Variants in SAP30BP observed in about 807,000 individuals in gnomAD.
SAP30BP encodes SAP30-binding protein.
Under a neutral mutation model 46.3 loss-of-function variants are expected in SAP30BP, and 31 were observed. The observed-to-expected ratio is 0.67, with a 90% CI of 0.50 to 0.90. The LOEUF (loss-of-function observed/expected upper bound fraction) is 0.90. Ranked by LOEUF, SAP30BP falls within the 40% of genes least tolerant of loss-of-function variation. SAP30BP has a pLI of 0.00. For synonymous variants in SAP30BP, 169 were observed against 144.2 expected (o/e 1.17, Z -1.23); for missense variants, 312 against 391.0 (o/e 0.80, Z 1.70).
chr17:75,673,890 G>T (rs781493612), intron 3 of SAP30BP, among the ~76,000 whole-genome samples: 1 of 152,120 alleles, frequency 6.6e-6, no homozygotes, highest in African/African-American at 2.4e-5. Context: ...GATGTGCTTC[G>T]CTGTTCCTCA....
rs970718510 is a variant in SAP30BP at position 75,707,909 on chromosome 17, T to C, written c.*1388T>C. On this transcript the variant is annotated 3_prime_UTR_variant, in exon 11 of 11. Coordinates refer to ENST00000584667, the MANE Select transcript of SAP30BP (RefSeq NM_013260.8). Reference sequence around the variant, plus strand: ...GTGGAGCCGGCACCTCTGGTCTGGATTCCACTTAAAACCAGTTGAGTGGTC... The same window carrying C: ...GTGGAGCCGGCACCTCTGGTCTGGACTCCACTTAAAACCAGTTGAGTGGTC... 1.3e-5 allele frequency: 2 copies of C among 152,218 alleles called. No homozygotes were observed. Among genetic ancestry groups the C allele is most frequent in the African/African-American group, 4.8e-5 (2 of 41,442 alleles). The allele number at this position is 152,218 out of a possible 1,614,324, so 9.4% of individuals were successfully genotyped here. A position where few individuals can be genotyped will look rare whatever the true frequency, so the allele number is the denominator to read the frequency against.
chr17:75,673,954 A>T (rs1405525762), intron 3 of SAP30BP, among the ~76,000 whole-genome samples: 1 of 152,232 alleles, frequency 6.6e-6, no homozygotes, highest in African/African-American at 2.4e-5. Context: ...TTCATGGAAT[A>T]ATTTCTGTTC....
intron 3 of SAP30BP, among the ~76,000 whole-genome samples, chr17:75,676,187 A>G (rs2059987859): frequency 6.6e-6 from 1 of 152,170 alleles, no homozygotes; most frequent in South Asian, 2.1e-4. Context: ...TTACCAGTGA[A>G]CTCTGCATTC....
chr17:75,688,324 G>A (rs2060192235), intron 3 of SAP30BP, among the ~76,000 whole-genome samples: 1 of 152,224 alleles, frequency 6.6e-6, no homozygotes, highest in Admixed American at 6.5e-5. Context: ...CCAGGTCTGA[G>A]AGAATAAAGG....
intron 3 of SAP30BP, among the ~76,000 whole-genome samples, chr17:75,682,697 C>T (rs1451219060): frequency 3.3e-5 from 5 of 151,986 alleles, no homozygotes; most frequent in African/African-American, 7.2e-5. Context: ...GGCGCAGTGG[C>T]TCATGCCTGT....
chr17:75,687,414 A>C (rs575302921), intron 3 of SAP30BP, among the ~76,000 whole-genome samples: 12 of 152,164 alleles, frequency 7.9e-5, no homozygotes, highest in African/African-American at 2.7e-4. Flanking sequence ...CTACGAGTTC[A>C]AGAGCAGCCT....
chr17:75,703,947 T>C, intron 8 of SAP30BP, 88 bp downstream of exon 8: 2 of 976,314 alleles, frequency 2.0e-6, no homozygotes, highest in Non-Finnish European at 3.3e-6. Flanking sequence ...GTGACACATA[T>C]TTCAGGGTCT....
intron 4 of SAP30BP, among the ~76,000 whole-genome samples, chr17:75,697,578 C>T (rs2060342217): frequency 6.6e-6 from 1 of 152,228 alleles, no homozygotes. Flanking sequence ...CACCCAGTCT[C>T]TGTCCTCTTG....
At chr17:75,678,891 C>T (rs114418821) in intron 3 of SAP30BP, among the ~76,000 whole-genome samples, 1,749 of 152,224 alleles carry the variant, frequency 0.011, 27 homozygotes, top group African/African-American at 0.04. Context: ...CAGAAGTTTA[C>T]CTTCATATAA....
At chr17:75,705,866 C>T in intron 9 of SAP30BP, 142 bp from the exon 10 acceptor site, 2 of 1,273,438 alleles carry the variant, frequency 1.6e-6, no homozygotes, top group Non-Finnish European at 2.2e-6. Context: ...TCTCGCCCTA[C>T]CCCAGATGGG....
intron 3 of SAP30BP, among the ~76,000 whole-genome samples, chr17:75,687,892 C>T (rs1053180734): frequency 6.7e-6 from 1 of 150,356 alleles, no homozygotes; most frequent in African/African-American, 2.5e-5. Context: ...CTAAACTTGA[C>T]AGAAGACAAA....
intron 5 of SAP30BP, 87 bp downstream of exon 5, chr17:75,699,958 G>T: frequency 1.1e-6 from 1 of 937,654 alleles, no homozygotes. Flanking sequence ...AAGAGACCAT[G>T]GCAGGGAAAG....
At chr17:75,705,793 G>T (rs1185160127) in intron 9 of SAP30BP, 2 of 1,023,302 alleles carry the variant, frequency 2.0e-6, no homozygotes, top group Non-Finnish European at 2.7e-6. Context: ...TGCCGGGAGG[G>T]ATACAGTACT....
At chr17:75,705,867 C>A in intron 9 of SAP30BP, 141 bp from the exon 10 acceptor site, 1 of 1,278,398 alleles carries the variant, frequency 7.8e-7, no homozygotes, top group Non-Finnish European at 1.1e-6. Flanking sequence ...CTCGCCCTAC[C>A]CCAGATGGGC....
At chr17:75,680,711 T>C (rs901590631) in intron 3 of SAP30BP, among the ~76,000 whole-genome samples, 2 of 152,212 alleles carry the variant, frequency 1.3e-5, no homozygotes, top group African/African-American at 2.4e-5. Context: ...CATGTCTCCA[T>C]AGTTTTTCAC....
intron 3 of SAP30BP, among the ~76,000 whole-genome samples, chr17:75,686,385 G>A (rs188599075): frequency 3.5e-4 from 54 of 152,180 alleles, no homozygotes; most frequent in African/African-American, 1.2e-3. Flanking sequence ...GCGTGGTGGC[G>A]GGCGCCTATA....
chr17:75,696,492 C>T (rs1006834082), intron 4 of SAP30BP, among the ~76,000 whole-genome samples: 8 of 150,714 alleles, frequency 5.3e-5, no homozygotes, highest in African/African-American at 1.7e-4. Flanking sequence ...TGCAGTGAGC[C>T]GAGATAACAC....
chr17:75,698,820 C>T (rs1015587760), intron 4 of SAP30BP, among the ~76,000 whole-genome samples: 7 of 152,200 alleles, frequency 4.6e-5, no homozygotes, highest in African/African-American at 7.2e-5. Context: ...CAGATCATGG[C>T]GCCTCCCTGC....
chr17:75,686,583 C>T (rs1238433729), intron 3 of SAP30BP, among the ~76,000 whole-genome samples: 1 of 152,092 alleles, frequency 6.6e-6, no homozygotes, highest in Non-Finnish European at 1.5e-5. Context: ...GCCTTCCCAT[C>T]AGCAAGTGGT....
Sources: allele counts gnomAD v4.1 joint callset (sites outside exome capture counted in the v4.1 genomes callset), GRCh38; gene constraint gnomAD v4.1.1; transcripts MANE v1.5; gene names NCBI Gene and HGNC (gene_info 2026-07-23, HGNC 2026-07-21).